APELA: variants seen among roughly 807,000 people sequenced by gnomAD.
APELA encodes the protein protein Elabela.
At chr4:164,892,113 C>T (rs1008494160) in intron 2 of APELA, among the ~76,000 whole-genome samples, 3 of 151,880 alleles carry the variant, frequency 2.0e-5, no homozygotes, top group Admixed American at 6.6e-5. Context: ...GAGTTTGAGG[C>T]CAGCCTGGGC....
In APELA at chr4:164,897,320, T is replaced by C. The variant is rs571143885; in HGVS notation, c.*1906T>C. The C allele has an allele frequency of 1.1e-4, 17 of 152,386 alleles. No individual in the cohort carries two copies. The East Asian group carries it at 3.1e-3, about 28-fold the overall frequency. The allele number at this position is 152,386 out of a possible 1,614,324, so 9.4% of individuals were successfully genotyped here. A position where few individuals can be genotyped will look rare whatever the true frequency, so the allele number is the denominator to read the frequency against. On this transcript the variant is annotated 3_prime_UTR_variant, in exon 3 of 3. Transcript: ENST00000507152. The stretch of plus-strand genomic sequence containing the variant: ...CATAACCTATTCTCAGTTATATTTA[T>C]GTTTAAAACATGTACTGGTTTGTAT...
intron 2 of APELA, among the ~76,000 whole-genome samples, chr4:164,887,927 A>T (rs1227758165): frequency 1.3e-5 from 2 of 152,120 alleles, no homozygotes; most frequent in African/African-American, 4.8e-5. Flanking sequence ...TTTCTAAATT[A>T]ATTGACAAAT....
At chr4:164,892,136 C>A (rs1475553624) in intron 2 of APELA, among the ~76,000 whole-genome samples, 3 of 151,898 alleles carry the variant, frequency 2.0e-5, no homozygotes, top group African/African-American at 7.3e-5. Context: ...TATAGCAAAA[C>A]CCCATCTCTG....
At chr4:164,898,274 G>A (rs192218317), downstream of APELA, among the ~76,000 whole-genome samples, 166 of 151,712 alleles carry the variant, frequency 1.1e-3, 1 homozygote, top group African/African-American at 3.8e-3. Context: ...GGCCGAGGAT[G>A]GTGGATCACC....
At chr4:164,888,271 C>T (rs1325233821) in intron 2 of APELA, among the ~76,000 whole-genome samples, 1 of 152,214 alleles carries the variant, frequency 6.6e-6, no homozygotes, top group African/African-American at 2.4e-5. Context: ...AGTCAGCCAG[C>T]ATCTCTTGAG....
chr4:164,886,416 C>T (rs1343066961), intron 2 of APELA, among the ~76,000 whole-genome samples: 1 of 152,026 alleles, frequency 6.6e-6, no homozygotes, highest in Non-Finnish European at 1.5e-5. Flanking sequence ...CTTTGGGAGC[C>T]TGAGGTGGGA....
At chr4:164,887,515 AT>A (rs1180133389) in intron 2 of APELA, among the ~76,000 whole-genome samples, 7 of 152,078 alleles carry the variant, frequency 4.6e-5, no homozygotes, top group Non-Finnish European at 8.8e-5. Context: ...TGCTCTCATG[AT>A]TTTTCTGTAC....
chr4:164,886,822 CTTTTCT>C (rs1312496969), intron 2 of APELA, among the ~76,000 whole-genome samples: 9 of 149,210 alleles, frequency 6.0e-5, no homozygotes, highest in African/African-American at 1.7e-4. Context: ...CTTTTCTTTT[CTTTTCT>C]TTTTTTTTTG....
intron 2 of APELA, among the ~76,000 whole-genome samples, chr4:164,894,381 A>T (rs1463992561): frequency 6.6e-6 from 1 of 151,848 alleles, no homozygotes; most frequent in African/African-American, 2.4e-5. Context: ...CAAAACACAC[A>T]CATATATATT....
chr4:164,889,648 C>T (rs1012514951), intron 2 of APELA, among the ~76,000 whole-genome samples: 12 of 152,088 alleles, frequency 7.9e-5, no homozygotes, highest in African/African-American at 2.9e-4. Flanking sequence ...GTTTCTTGCA[C>T]CTATCAACCG....
At chr4:164,897,744 A>G (rs1226541259), downstream of APELA, among the ~76,000 whole-genome samples, 1 of 152,236 alleles carries the variant, frequency 6.6e-6, no homozygotes, top group Admixed American at 6.5e-5. Context: ...CTACCAAAAC[A>G]CAATAACCAG....
In APELA at chr4:164,882,860, G is replaced by A. The variant is rs556184603; in HGVS notation, c.*1+3851G>A. On this transcript the variant is annotated intron_variant, in intron 2 of 2. Coordinates refer to ENST00000507152, the MANE Select transcript of APELA (RefSeq NM_001297550.2). ...ATGCGGTGTTTGGTTTTTTGCCCTT[G>A]CGATAGTTTGCTGAGAATGATGGTT... is the stretch of plus-strand genomic sequence containing the variant. Among the ~76,000 whole-genome samples the A allele has an allele frequency of 1.6e-4, 24 of 151,880 alleles. No homozygotes were observed. The South Asian group carries it at 1.7e-3, about 11-fold the overall frequency.
At chr4:164,877,897 T>C (rs942891788) in intron 1 of APELA, among the ~76,000 whole-genome samples, 3 of 152,152 alleles carry the variant, frequency 2.0e-5, no homozygotes. Context: ...TTTCTAATTA[T>C]GTAACTAGGC....
chr4:164,890,590 A>G (rs1390932704), intron 2 of APELA, among the ~76,000 whole-genome samples: 3 of 152,196 alleles, frequency 2.0e-5, no homozygotes, highest in Non-Finnish European at 4.4e-5. Context: ...CTAATTTACG[A>G]CTGAATACAA....
At chr4:164,886,612 CTCCAGCCTGAGAGACAGAGTGAG>C (rs1400291022) in intron 2 of APELA, among the ~76,000 whole-genome samples, 2 of 152,094 alleles carry the variant, frequency 1.3e-5, no homozygotes, top group South Asian at 4.1e-4. Context: ...TACCACTGCA[CTCCAGCCTGAGAGACAGAGTGAG>C]ACTCCGTCTA....
In APELA at chr4:164,877,325, T is replaced by A. The variant is rs1730573846; in HGVS notation, c.-7T>A. ...GAGTCATTGCTCTACTTTTGTGCGG[T>A]AGGAAAATGAGATTTCAGCAATTCC... On this transcript the variant is annotated 5_prime_UTR_variant, in exon 1 of 3. Transcript: ENST00000507152. The A allele has an allele frequency of 2.5e-6, 1 of 398,942 alleles. No individual in the cohort carries two copies. The highest frequency in any genetic ancestry group is 2.1e-5 in the African/African-American group (1 of 48,654). The allele number at this position is 398,942 out of a possible 1,614,324, so 24.7% of individuals were successfully genotyped here.
At chr4:164,894,066 T>TA (rs1417734568) in intron 2 of APELA, among the ~76,000 whole-genome samples, 36 of 152,330 alleles carry the variant, frequency 2.4e-4, no homozygotes, top group African/African-American at 6.7e-4. Flanking sequence ...CTCACACCTA[T>TA]AATCTCAGCA....
At chr4:164,890,037 G>C (rs952061493) in intron 2 of APELA, among the ~76,000 whole-genome samples, 1 of 152,174 alleles carries the variant, frequency 6.6e-6, no homozygotes, top group Admixed American at 6.5e-5. Context: ...GATACTGAGG[G>C]ATGATTGCAT....
chr4:164,878,691 G>T (rs1018334090), intron 1 of APELA, among the ~76,000 whole-genome samples: 6 of 152,150 alleles, frequency 3.9e-5, no homozygotes, highest in African/African-American at 1.4e-4. Flanking sequence ...GTTGCTCAAC[G>T]ATGGAGTTAA....
Sources: gnomAD v4.1 joint callset for allele counts (sites outside exome capture counted in the v4.1 genomes callset) on GRCh38, gnomAD v4.1.1 for gene constraint, MANE v1.5 for transcripts, NCBI Gene and HGNC (gene_info 2026-07-23, HGNC 2026-07-21) for gene names.